MAPRE2: variants seen among roughly 807,000 people sequenced by gnomAD.
MAPRE2 encodes microtubule associated protein RP/EB family member 2, also known as microtubule-associated protein RP/EB family member 2.
A neutral mutation model predicts 43.2 loss-of-function variants in MAPRE2; 13 were observed. The observed-to-expected ratio is 0.30, with a 90% CI of 0.20 to 0.48. The LOEUF is 0.48. MAPRE2 is among the 20% of genes least tolerant of loss of function. MAPRE2 has a pLI of 0.99. For synonymous variants in MAPRE2, 135 were observed against 148.8 expected (o/e 0.91, Z 0.68); for missense variants, 161 against 400.2 (o/e 0.40, Z 5.10).
chr18:35,138,200 TC>T (rs1910474592), intron 6 of MAPRE2, among the ~76,000 whole-genome samples: 2 of 152,040 alleles, frequency 1.3e-5, no homozygotes, highest in African/African-American at 2.4e-5. Flanking sequence ...CTGGGGTCGA[TC>T]CGGCAGAAGG....
intron 1 of MAPRE2, among the ~76,000 whole-genome samples, chr18:34,998,984 T>C (rs1403642367): frequency 6.6e-6 from 1 of 152,072 alleles, no homozygotes; most frequent in Non-Finnish European, 1.5e-5. Context: ...ACTGTGTTCC[T>C]TCTTTGCATG....
chr18:35,018,074 T>C (rs117429267), intron 2 of MAPRE2, among the ~76,000 whole-genome samples: 10 of 152,000 alleles, frequency 6.6e-5, no homozygotes, highest in Non-Finnish European at 1.2e-4. Context: ...GATCACAGGG[T>C]CTTTGTTTTT....
chr18:34,988,559 T>C (rs60034427), intron 1 of MAPRE2: 3 of 152,314 alleles, frequency 2.0e-5, no homozygotes, highest in East Asian at 3.9e-4. Flanking sequence ...TACAGTGATG[T>C]CCTAAGACTT....
chr18:35,031,892 G>T (rs1452753986), intron 2 of MAPRE2, among the ~76,000 whole-genome samples: 1 of 152,082 alleles, frequency 6.6e-6, no homozygotes, highest in Non-Finnish European at 1.5e-5. Context: ...AAAATAAAAT[G>T]CTATTACTTA....
rs766709657 is a variant in MAPRE2 at position 35,070,325 on chromosome 18, A to G, written c.250+3A>G. On this transcript the variant is annotated splice_donor_region_variant and intron_variant, in intron 2 of 6. Coordinates refer to ENST00000300249, the MANE Select transcript of MAPRE2 (RefSeq NM_014268.4). ...AAAAGTGGAACAGCTTTGTTCAGGT[A>G]AGACATATTCTTTTAAGTGTTTACC... 1.3e-6 allele frequency: 2 copies of G among 1,594,186 alleles called. No homozygotes were observed.
At chr18:35,082,329 ATTAGAAC>A (rs1907682234) in intron 2 of MAPRE2, 1 of 151,982 alleles carries the variant, frequency 6.6e-6, no homozygotes, top group Non-Finnish European at 1.5e-5. Flanking sequence ...CGTTCTGAAA[ATTAGAAC>A]TTAAAAATGG....
At chr18:35,048,428 G>T (rs9966481) in intron 1 of MAPRE2, among the ~76,000 whole-genome samples, 1 of 151,604 alleles carries the variant, frequency 6.6e-6, no homozygotes, top group Non-Finnish European at 1.5e-5. Context: ...ATGTGTGTGT[G>T]TGTGTATTTA....
intron 5 of MAPRE2, among the ~76,000 whole-genome samples, chr18:35,130,435 C>A (rs756890912): frequency 4.6e-5 from 7 of 152,070 alleles, no homozygotes; most frequent in African/African-American, 1.4e-4. Flanking sequence ...GTGAGGGTAA[C>A]CCTGAATCTA....
upstream of MAPRE2, among the ~76,000 whole-genome samples, chr18:35,037,724 C>T (rs1052172992): frequency 2.0e-5 from 3 of 152,194 alleles, no homozygotes; most frequent in East Asian, 1.9e-4. Context: ...AGTGGGGAAC[C>T]GGAAATAGTC....
intron 2 of MAPRE2, among the ~76,000 whole-genome samples, chr18:35,035,155 A>G (rs1345908516): frequency 6.6e-6 from 1 of 152,044 alleles, no homozygotes; most frequent in Non-Finnish European, 1.5e-5. Flanking sequence ...AATGTGGCAC[A>G]TATACACCAT....
At chr18:35,105,171 A>G (rs1182442899) in intron 4 of MAPRE2, among the ~76,000 whole-genome samples, 1 of 152,142 alleles carries the variant, frequency 6.6e-6, no homozygotes, top group African/African-American at 2.4e-5. Context: ...AAAGAGAAAT[A>G]TATATTTTCT....
chr18:35,063,696 A>C (rs1906674519), intron 1 of MAPRE2, among the ~76,000 whole-genome samples: 1 of 151,970 alleles, frequency 6.6e-6, no homozygotes. Context: ...TAGATGATAT[A>C]AAAACAAAAA....
chr18:35,081,579 G>A (rs1441972728), intron 2 of MAPRE2, among the ~76,000 whole-genome samples: 1 of 152,168 alleles, frequency 6.6e-6, no homozygotes, highest in Non-Finnish European at 1.5e-5. Flanking sequence ...AATAGGGGAT[G>A]TTATTGGTGT....
chr18:35,068,360 G>A (rs941074900), intron 1 of MAPRE2, among the ~76,000 whole-genome samples: 3 of 152,238 alleles, frequency 2.0e-5, no homozygotes, highest in Non-Finnish European at 2.9e-5. Flanking sequence ...GGAACATCTC[G>A]TCATATTGGA....
intron 2 of MAPRE2, among the ~76,000 whole-genome samples, chr18:35,006,006 C>T (rs768645419): frequency 1.8e-4 from 28 of 152,166 alleles, no homozygotes; most frequent in African/African-American, 2.9e-4. Flanking sequence ...ACAGAGATGA[C>T]GAACCTGGAA....
chr18:34,995,963 T>C (rs2097026295), intron 1 of MAPRE2, among the ~76,000 whole-genome samples: 1 of 152,192 alleles, frequency 6.6e-6, no homozygotes, highest in Non-Finnish European at 1.5e-5. Flanking sequence ...CTAGACGTAC[T>C]GAATCATAAC....
chr18:35,135,788 A>T lies in MAPRE2; in HGVS notation c.909+3598A>T, dbSNP rs189176830. 3.6e-4 allele frequency among the ~76,000 whole-genome samples: 55 copies of T among 152,306 alleles called. No individual in the cohort carries two copies. The East Asian group carries it at 9.9e-3, about 27-fold the overall frequency. Reference sequence around the variant, plus strand: ...GATGATGTACATGGCGTCTGGGAGGAAGTGCCAGCACTTTGTTCATGATGC... The same window carrying T: ...GATGATGTACATGGCGTCTGGGAGGTAGTGCCAGCACTTTGTTCATGATGC... On this transcript the variant is annotated intron_variant, in intron 6 of 6. Coordinates refer to ENST00000300249, the MANE Select transcript of MAPRE2 (RefSeq NM_014268.4).
intron 2 of MAPRE2, among the ~76,000 whole-genome samples, chr18:35,025,639 A>C (rs2097044700): frequency 6.6e-6 from 1 of 152,224 alleles, no homozygotes; most frequent in Admixed American, 6.5e-5. Flanking sequence ...CATCATCAGA[A>C]TTCATTTCAC....
intron 1 of MAPRE2, among the ~76,000 whole-genome samples, chr18:35,001,195 G>A (rs933755720): frequency 3.3e-5 from 5 of 152,110 alleles, no homozygotes; most frequent in African/African-American, 9.7e-5. Context: ...GAACTTAAGG[G>A]TATGAGAGAT....
Sources: allele counts gnomAD v4.1 joint callset (sites outside exome capture counted in the v4.1 genomes callset), GRCh38; gene constraint gnomAD v4.1.1; transcripts MANE v1.5; gene names NCBI Gene and HGNC (gene_info 2026-07-23, HGNC 2026-07-21).